SGK3: variants seen among roughly 807,000 people sequenced by gnomAD.
SGK3 encodes the protein serine/threonine-protein kinase Sgk3.
Under a neutral mutation model 68.5 loss-of-function variants are expected in SGK3, and 47 were observed. That is an observed-to-expected ratio of 0.69 (90% CI 0.54 to 0.87). The LOEUF is 0.87. Among genes scored for constraint, SGK3 ranks in the 40% least tolerant of loss-of-function variants. SGK3 has a pLI of 0.00. For missense variants in SGK3, 479 were observed against 575.5 expected (o/e 0.83, Z 1.72); for synonymous variants, 181 against 189.1 (o/e 0.96, Z 0.35).
intron 6 of SGK3, 145 bp from the exon 7 acceptor site, chr8:66,828,509 C>T (rs945408602): frequency 2.0e-6 from 2 of 1,016,004 alleles, no homozygotes; most frequent in African/African-American, 3.3e-5. Flanking sequence ...AGTCTATACC[C>T]TTACTGAGAA....
At chr8:66,785,745 C>A (rs1201466197) in intron 1 of SGK3, among the ~76,000 whole-genome samples, 1 of 152,140 alleles carries the variant, frequency 6.6e-6, no homozygotes, top group Non-Finnish European at 1.5e-5. Flanking sequence ...GTCATCTGAC[C>A]CATTTCTTTC....
chr8:66,766,244 C>T (rs1012560780), intron 1 of SGK3, among the ~76,000 whole-genome samples: 2 of 151,876 alleles, frequency 1.3e-5, no homozygotes, highest in Non-Finnish European at 1.5e-5. Context: ...TTAAGTTGGC[C>T]GGGTGTGGTG....
intron 1 of SGK3, among the ~76,000 whole-genome samples, chr8:66,762,128 C>T (rs761459791): frequency 6.6e-6 from 1 of 152,116 alleles, no homozygotes; most frequent in Non-Finnish European, 1.5e-5. Context: ...GCTACCATGC[C>T]CGGCTAACTT....
At chr8:66,808,094 A>G (rs1396217639) in intron 4 of SGK3, among the ~76,000 whole-genome samples, 1 of 152,180 alleles carries the variant, frequency 6.6e-6, no homozygotes, top group East Asian at 1.9e-4. Context: ...AACTAATAAA[A>G]CTAGTGACTT....
chr8:66,740,465 AT>A (rs1805446218), intron 1 of SGK3, among the ~76,000 whole-genome samples: 1 of 152,170 alleles, frequency 6.6e-6, no homozygotes, highest in Non-Finnish European at 1.5e-5. Context: ...ATAGTTTATG[AT>A]TTTTTATTAT....
intron 1 of SGK3, among the ~76,000 whole-genome samples, chr8:66,723,104 TATATATATATATATATATA>T (rs1804852008): frequency 5.8e-5 from 2 of 34,310 alleles, no homozygotes; most frequent in Non-Finnish European, 1.1e-4. Context: ...TATATATATA[TATATATATATATATATATA>T]TATATATATT....
intron 1 of SGK3, among the ~76,000 whole-genome samples, chr8:66,735,460 GGTTAAATTATAA>G (rs1805291893): frequency 6.6e-6 from 1 of 152,152 alleles, no homozygotes; most frequent in Non-Finnish European, 1.5e-5. Context: ...CGCTTTTAAT[GGTTAAATTATAA>G]AGCTTGGGTC....
In SGK3 at chr8:66,830,026, G is replaced by A. The variant is rs556729657; in HGVS notation, c.468-1228G>A. On this transcript the variant is annotated intron_variant, in intron 7 of 16. Coordinates refer to ENST00000521198, the MANE Select transcript of SGK3 (RefSeq NM_001033578.3). ...TTACAGGCAGCCACCATCATGCCCA[G>A]CTAATTTTTGTAGAGACAGGGTTTC... Among the ~76,000 whole-genome samples, 6 of 152,228 alleles carry A rather than the reference G, an allele frequency of 3.9e-5. No homozygotes were observed. In the South Asian group the frequency reaches 1.2e-3, roughly 32 times the overall value.
rs569194917 is a variant in SGK3 at position 66,836,177 on chromosome 8, T to A, written c.741+103T>A. On this transcript the variant is annotated intron_variant, in intron 10 of 16. Transcript: ENST00000521198. Reference sequence around the variant, plus strand: ...AGAAGGACAGTATAAAATCAGTAGCTTTTTATAGCAATAATATTCAAGGTA... The same window carrying A: ...AGAAGGACAGTATAAAATCAGTAGCATTTTATAGCAATAATATTCAAGGTA... The A allele has an allele frequency of 9.2e-4, 1,292 of 1,405,244 alleles. 9 individuals are homozygous for A. The South Asian group carries it at 9.6e-3, about 10-fold the overall frequency. 87.0% of individuals were successfully genotyped at this position (1,405,244 alleles called of 1,614,324 possible).
At chr8:66,841,138 T>A in intron 13 of SGK3, 28 bp downstream of exon 13, 1 of 1,474,918 alleles carries the variant, frequency 6.8e-7, no homozygotes, top group Non-Finnish European at 9.1e-7. Context: ...TTGTCATTTA[T>A]ATAATCATGT....
intron 1 of SGK3, among the ~76,000 whole-genome samples, chr8:66,765,751 T>C (rs1230555467): frequency 6.6e-6 from 1 of 152,060 alleles, no homozygotes; most frequent in Non-Finnish European, 1.5e-5. Flanking sequence ...TGGCCAGGCA[T>C]GGTGGCTCAC....
At chr8:66,720,956 C>T (rs1191565248) in intron 1 of SGK3, among the ~76,000 whole-genome samples, 3 of 151,804 alleles carry the variant, frequency 2.0e-5, no homozygotes, top group Non-Finnish European at 4.4e-5. Flanking sequence ...ACAAACAAAA[C>T]AAACAAAAAA....
chr8:66,846,846 C>A (rs1308893031), intron 14 of SGK3, among the ~76,000 whole-genome samples: 1 of 152,186 alleles, frequency 6.6e-6, no homozygotes, highest in Non-Finnish European at 1.5e-5. Context: ...AATGTTTGAT[C>A]TGTCTTGAAC....
At chr8:66,744,531 T>G (rs76714628) in intron 1 of SGK3, among the ~76,000 whole-genome samples, 1,862 of 107,666 alleles carry the variant, frequency 0.017, 127 homozygotes, top group African/African-American at 0.067. Context: ...TTTTTTTTTT[T>G]TTTTTTTTTT....
Position 66,840,074 on chromosome 8 carries a change from T to C in SGK3, c.813T>C (p.Ala271=), listed in dbSNP as rs759915255. The C allele has an allele frequency of 1.9e-6, 3 of 1,614,108 alleles. No individual in the cohort carries two copies. The Admixed American group carries it at 5.0e-5, about 27-fold the overall frequency. The change falls in exon 11 of 17, where the codon GCT becomes GCC. Residue 271 remains alanine, a synonymous_variant. Coordinates refer to ENST00000521198, the MANE Select transcript of SGK3 (RefSeq NM_001033578.3). ...HRARFYAAEI[A]SALGYLHSIK... is the part of the protein sequence containing the mutation. ...CTAGGTTTTACGCTGCTGAAATTGC[T>C]AGTGCATTGGGTTACTTACATTCCA... is the stretch of plus-strand genomic sequence containing the variant.
intron 1 of SGK3, among the ~76,000 whole-genome samples, chr8:66,724,252 T>A: frequency 6.6e-6 from 1 of 152,206 alleles, no homozygotes; most frequent in East Asian, 1.9e-4. Flanking sequence ...AACACTGGGA[T>A]TACAGGCGTG....
At chr8:66,826,418 C>T (rs979468950) in intron 6 of SGK3, among the ~76,000 whole-genome samples, 9 of 147,052 alleles carry the variant, frequency 6.1e-5, no homozygotes, top group Non-Finnish European at 1.0e-4. Context: ...TTTTTTCTTC[C>T]GTTTTTATTA....
At chr8:66,818,415 T>G (rs908230391) in intron 5 of SGK3, among the ~76,000 whole-genome samples, 2 of 152,208 alleles carry the variant, frequency 1.3e-5, no homozygotes, top group African/African-American at 4.8e-5. Context: ...TATTTTAATT[T>G]TATTGCATCA....
chr8:66,793,808 CAGAG>C lies in SGK3; in HGVS notation c.76_79del (p.Glu26LysfsTer35), dbSNP rs746366957. On this transcript the variant is annotated frameshift_variant, in exon 2 of 17. Transcript: ENST00000521198. LOFTEE classifies it high-confidence loss of function. ...TAAGCATTCCCAGCTCCGATGAACA[CAGAG>C]AGAAAAAGAAGAGGTTTACTGTAAG... 1 of 1,612,938 alleles carries C rather than the reference CAGAG, an allele frequency of 6.2e-7. No homozygotes were observed. The highest frequency in any genetic ancestry group is 8.5e-7 in the Non-Finnish European group (1 of 1,179,306).
Sources: gnomAD v4.1 joint callset for allele counts (sites outside exome capture counted in the v4.1 genomes callset) on GRCh38, gnomAD v4.1.1 for gene constraint, MANE v1.5 for transcripts, NCBI Gene and HGNC (gene_info 2026-07-23, HGNC 2026-07-21) for gene names.